Variants in TTC7B observed in about 807,000 individuals in gnomAD.
The protein encoded by TTC7B is tetratricopeptide repeat protein 7B.
In TTC7B, 28 loss-of-function variants were observed where a neutral mutation model predicts 106.8. The ratio of observed to expected loss-of-function variants is 0.26; its 90% CI spans 0.19 to 0.36. The LOEUF is 0.36. Among genes scored for constraint, TTC7B ranks in the 10% least tolerant of loss-of-function variants. The pLI, the probability that TTC7B is intolerant of heterozygous loss-of-function variation, is 1.00. For missense variants in TTC7B, 862 were observed against 1,076.4 expected (o/e 0.80, Z 2.79); for synonymous variants, 405 against 430.6 (o/e 0.94, Z 0.74).
intron 1 of TTC7B, among the ~76,000 whole-genome samples, chr14:90,790,955 G>C (rs1226441256): frequency 1.3e-5 from 2 of 152,122 alleles, no homozygotes; most frequent in Admixed American, 1.3e-4. Context: ...AGAGAACCAA[G>C]TGGCAGGGGA....
At chr14:90,573,517 G>A (rs1470272180) in intron 19 of TTC7B, among the ~76,000 whole-genome samples, 2 of 127,284 alleles carry the variant, frequency 1.6e-5, no homozygotes, top group African/African-American at 6.4e-5. Flanking sequence ...GTCCCTCTCC[G>A]GCTCACGGTC....
intron 3 of TTC7B, among the ~76,000 whole-genome samples, chr14:90,756,384 G>GTTTTTT (rs369068692): frequency 2.4e-5 from 3 of 126,780 alleles, no homozygotes; most frequent in Non-Finnish European, 4.7e-5. Context: ...TTTTTTTTTT[G>GTTTTTT]TTTTTTTTTT....
At chr14:90,815,225 C>T (rs748625810) in intron 1 of TTC7B, among the ~76,000 whole-genome samples, 3 of 152,184 alleles carry the variant, frequency 2.0e-5, no homozygotes, top group Non-Finnish European at 2.9e-5. Flanking sequence ...CTGGTGCCTG[C>T]GCTTTAGGCG....
chr14:90,526,214 A>G lies in TTC7B; in HGVS notation c.*15154T>C, dbSNP rs540280702. 6.6e-6 allele frequency: 1 copy of G among 152,354 alleles called. No individual in the cohort carries two copies. Among genetic ancestry groups the G allele is most frequent in the Non-Finnish European group, 1.5e-5 (1 of 68,038 alleles). The allele number at this position is 152,354 out of a possible 1,614,324, so 9.4% of individuals were successfully genotyped here. ...TGTTATTGTCTGTCTTTTTGATTAT[A>G]GACATCCTAGTGGGTGTAAGGTGGT... On this transcript the variant is annotated 3_prime_UTR_variant, in exon 20 of 20. Coordinates refer to ENST00000328459, the MANE Select transcript of TTC7B (RefSeq NM_001010854.2).
At chr14:90,782,744 C>T (rs1337603104) in intron 2 of TTC7B, among the ~76,000 whole-genome samples, 2 of 151,992 alleles carry the variant, frequency 1.3e-5, no homozygotes, top group Non-Finnish European at 2.9e-5. Context: ...GGATTAAAGG[C>T]GAATTGAAAG....
At chr14:90,565,028 G>C (rs552644703) in intron 19 of TTC7B, among the ~76,000 whole-genome samples, 2 of 152,240 alleles carry the variant, frequency 1.3e-5, no homozygotes, top group African/African-American at 4.8e-5. Context: ...GCACTTTTAT[G>C]TTATGAGACA....
At position 90,608,429 on chromosome 14, in the gene TTC7B, C is replaced by A. The variant is rs762777438; in HGVS notation, c.1966+2313G>T. The stretch of plus-strand genomic sequence containing the variant: ...TGGTGGCAGGAGTCTCAGAAGGACT[C>A]GCGTGGATGACTCAACAATGAAACC... On this transcript the variant is annotated intron_variant, in intron 17 of 19. Coordinates refer to ENST00000328459, the MANE Select transcript of TTC7B (RefSeq NM_001010854.2). This position sits in a 1 kb window ranked among gnomAD's most constrained non-coding sequence, Gnocchi z 5.1. 6.6e-6 allele frequency among the ~76,000 whole-genome samples: 1 copy of A among 151,656 alleles called. No homozygotes were observed. The highest frequency in any genetic ancestry group is 1.5e-5 in the Non-Finnish European group (1 of 67,902).
chr14:90,538,108 G>C lies in TTC7B; in HGVS notation c.*3260C>G, dbSNP rs1167848527. 6.6e-6 allele frequency: 1 copy of C among 152,198 alleles called. No individual in the cohort carries two copies. The highest frequency in any genetic ancestry group is 1.5e-5 in the Non-Finnish European group (1 of 68,056). 9.4% of individuals were successfully genotyped at this position (152,198 alleles called of 1,614,324 possible). A position where few individuals can be genotyped will look rare whatever the true frequency, so the allele number is the denominator to read the frequency against. ...AAAAATGCCTCCACTGGGCAGACCT[G>C]GGCACTTTTGAAATGTTTATCCCTC... On this transcript the variant is annotated 3_prime_UTR_variant, in exon 20 of 20. Transcript: ENST00000328459.
chr14:90,655,750 G>A lies in TTC7B; in HGVS notation c.1342-640C>T, dbSNP rs145895447. On this transcript the variant is annotated intron_variant, in intron 11 of 19. Coordinates refer to ENST00000328459, the MANE Select transcript of TTC7B (RefSeq NM_001010854.2). ...AAGTATGGCAAATGTTGATGATATT[G>A]AAGTTGGGTGATAAGACACTGGAGT... Among the ~76,000 whole-genome samples, 25 of 152,228 alleles carry A rather than the reference G, an allele frequency of 1.6e-4. No homozygotes were observed. In the East Asian group the frequency reaches 4.8e-3, roughly 29 times the overall value.
intron 17 of TTC7B, among the ~76,000 whole-genome samples, chr14:90,607,241 A>G (rs779129537): frequency 2.6e-5 from 4 of 152,238 alleles, no homozygotes; most frequent in Non-Finnish European, 5.9e-5. Flanking sequence ...GGCCTCACAA[A>G]GGAATCTGCC....
At chr14:90,628,696 T>A (rs978454552) in intron 15 of TTC7B, among the ~76,000 whole-genome samples, 2 of 152,226 alleles carry the variant, frequency 1.3e-5, no homozygotes, top group Non-Finnish European at 2.9e-5. Context: ...AGGTGGATGA[T>A]GTGTCTCTCT....
intron 17 of TTC7B, among the ~76,000 whole-genome samples, chr14:90,606,979 A>G (rs188501798): frequency 8.0e-4 from 122 of 152,330 alleles, no homozygotes; most frequent in African/African-American, 2.7e-3. Flanking sequence ...TCAGTTACAC[A>G]TATATCCTGA....
intron 19 of TTC7B, among the ~76,000 whole-genome samples, chr14:90,554,609 G>A (rs1219881981): frequency 6.6e-6 from 1 of 152,204 alleles, no homozygotes; most frequent in Non-Finnish European, 1.5e-5. Flanking sequence ...CCTCGCTCAA[G>A]GCTCGGGACT....
chr14:90,650,774 A>G (rs923896004), intron 13 of TTC7B, among the ~76,000 whole-genome samples: 2 of 152,230 alleles, frequency 1.3e-5, no homozygotes, highest in African/African-American at 2.4e-5. Flanking sequence ...TTTGCAAACA[A>G]TATTATGTTC....
At chr14:90,719,795 T>C (rs1161676076) in intron 5 of TTC7B, among the ~76,000 whole-genome samples, 2 of 152,204 alleles carry the variant, frequency 1.3e-5, no homozygotes, top group Non-Finnish European at 2.9e-5. Context: ...TCACTAAACC[T>C]AACAAATTCC....
Position 90,808,735 on chromosome 14 carries a change from C to G in TTC7B, c.121+7440G>C, listed in dbSNP as rs2030736918. On this transcript the variant is annotated intron_variant, in intron 1 of 19. Transcript: ENST00000328459. This position sits in a 1 kb window ranked among gnomAD's most constrained non-coding sequence, Gnocchi z 4.2. ...AACCTCATCCCTCTTCCTGGGCTTC[C>G]CAGGTGGGAGACACTGGCTTTCACG... is the stretch of plus-strand genomic sequence containing the variant. Among the ~76,000 whole-genome samples, 1 of 152,184 alleles carries G rather than the reference C, an allele frequency of 6.6e-6. No individual in the cohort carries two copies. The highest frequency in any genetic ancestry group is 1.5e-5 in the Non-Finnish European group (1 of 68,024).
chr14:90,698,004 G>A (rs1887829189), intron 5 of TTC7B: 1 of 152,218 alleles, frequency 6.6e-6, no homozygotes, highest in East Asian at 1.9e-4. Context: ...AAGGCCTGAA[G>A]CTACAACCCA....
At chr14:90,767,435 T>C (rs942860675) in intron 3 of TTC7B, among the ~76,000 whole-genome samples, 11 of 152,192 alleles carry the variant, frequency 7.2e-5, no homozygotes, top group African/African-American at 2.4e-4. Flanking sequence ...AGGTAGGGCC[T>C]AATGAGAGGT....
intron 5 of TTC7B, among the ~76,000 whole-genome samples, chr14:90,718,659 C>T (rs1367076491): frequency 1.3e-5 from 2 of 152,098 alleles, no homozygotes; most frequent in African/African-American, 4.8e-5. Flanking sequence ...CCTAGCACAA[C>T]GTGCACAGGT....
Sources: gnomAD v4.1 joint callset for allele counts (sites outside exome capture counted in the v4.1 genomes callset) on GRCh38, gnomAD v4.1.1 for gene constraint, Gnocchi (gnomAD v3.1) non-coding constraint, MANE v1.5 for transcripts, NCBI Gene and HGNC (gene_info 2026-07-23, HGNC 2026-07-21) for gene names.